Variants in INPP4B observed in about 807,000 individuals in gnomAD.
INPP4B encodes inositol polyphosphate-4-phosphatase type II B.
A neutral mutation model predicts 122.5 loss-of-function variants in INPP4B; 55 were observed. The ratio of observed to expected loss-of-function variants is 0.45; its 90% CI spans 0.36 to 0.56. The LOEUF is 0.56. Among genes scored for constraint, INPP4B ranks in the 20% least tolerant of loss-of-function variants. The probability of loss-of-function intolerance (pLI) is 0.00; values close to 1 mark genes in which losing one functional copy is unlikely to be tolerated. For missense variants in INPP4B, 1,000 were observed against 1,097.7 expected (o/e 0.91, Z 1.26); for synonymous variants, 403 against 388.7 (o/e 1.04, Z -0.43).
At position 142,715,795 on chromosome 4, in the gene INPP4B, G is replaced by A. The variant is rs867930416; in HGVS notation, c.-191+10044C>T. On this transcript the variant is annotated intron_variant, in intron 2 of 25. Transcript: ENST00000262992. ...GTTAACCATCTGCATTTTAGGCTGGGACCATGGGGAGATAGCTTTTCTCTG... is the reference window on the plus strand; with the variant it reads ...GTTAACCATCTGCATTTTAGGCTGGAACCATGGGGAGATAGCTTTTCTCTG... 7.2e-5 allele frequency among the ~76,000 whole-genome samples: 11 copies of A among 152,262 alleles called. No individual in the cohort carries two copies. In the South Asian group the frequency reaches 2.1e-3, roughly 29 times the overall value.
intron 5 of INPP4B, 140 bp downstream of exon 5, chr4:142,429,033 C>A (rs1001586252): frequency 8.9e-6 from 5 of 560,734 alleles, no homozygotes; most frequent in Non-Finnish European, 1.6e-5. Flanking sequence ...TAACACCTAC[C>A]TTATAGAACA....
intron 3 of INPP4B, among the ~76,000 whole-genome samples, chr4:142,441,943 G>A (rs1170722519): frequency 6.6e-6 from 1 of 151,856 alleles, no homozygotes; most frequent in African/African-American, 2.4e-5. Context: ...CAAAATCCAG[G>A]TGGTACAATC....
intron 2 of INPP4B, among the ~76,000 whole-genome samples, chr4:142,478,703 G>T (rs1398616277): frequency 2.0e-5 from 3 of 152,034 alleles, no homozygotes; most frequent in Non-Finnish European, 4.4e-5. Flanking sequence ...TTTTGTTAAA[G>T]ATTTTTGCAT....
chr4:142,190,716 G>A (rs184751990), intron 15 of INPP4B, among the ~76,000 whole-genome samples: 1 of 139,050 alleles, frequency 7.2e-6, no homozygotes, highest in Non-Finnish European at 1.5e-5. Flanking sequence ...AGATCTGTAA[G>A]AGTGTGTGTG....
intron 2 of INPP4B, among the ~76,000 whole-genome samples, chr4:142,473,735 T>C (rs1424230026): frequency 1.3e-5 from 2 of 152,162 alleles, no homozygotes; most frequent in Admixed American, 6.5e-5. Flanking sequence ...CCTCCTGTTG[T>C]CCTTGGAAGT....
chr4:142,145,322 AT>A (rs1309079200), intron 18 of INPP4B, among the ~76,000 whole-genome samples: 6 of 152,036 alleles, frequency 3.9e-5, no homozygotes, highest in Non-Finnish European at 7.4e-5. Context: ...CTTGTCATAT[AT>A]TTTTTTAGAG....
intron 23 of INPP4B, among the ~76,000 whole-genome samples, chr4:142,098,486 G>A (rs1374849715): frequency 6.6e-6 from 1 of 152,152 alleles, no homozygotes; most frequent in African/African-American, 2.4e-5. Context: ...AGAAGTGACA[G>A]AAGAAACAAA....
At chr4:142,795,782 G>A (rs1218514766) in intron 1 of INPP4B, among the ~76,000 whole-genome samples, 2 of 151,938 alleles carry the variant, frequency 1.3e-5, no homozygotes, top group African/African-American at 4.8e-5. Flanking sequence ...CAATGCTTTA[G>A]TCCTCTCTAC....
At chr4:142,829,189 G>T (rs971427066) in intron 1 of INPP4B, among the ~76,000 whole-genome samples, 1 of 151,090 alleles carries the variant, frequency 6.6e-6, no homozygotes, top group African/African-American at 2.4e-5. Context: ...AAAATATCAT[G>T]GGCTGAATAT....
intron 2 of INPP4B, among the ~76,000 whole-genome samples, chr4:142,588,874 A>G (rs901987647): frequency 6.6e-6 from 1 of 151,954 alleles, no homozygotes; most frequent in Non-Finnish European, 1.5e-5. Context: ...AGTCAAAGAA[A>G]TAGAATAGTC....
intron 2 of INPP4B, among the ~76,000 whole-genome samples, chr4:142,510,001 AT>A (rs1824508948): frequency 6.6e-6 from 1 of 152,340 alleles, no homozygotes; most frequent in Admixed American, 6.5e-5. Context: ...TAGGCCTATC[AT>A]TTAATATTTT....
At chr4:142,415,841 A>T (rs1805618377) in intron 5 of INPP4B, among the ~76,000 whole-genome samples, 1 of 152,172 alleles carries the variant, frequency 6.6e-6, no homozygotes, top group African/African-American at 2.4e-5. Context: ...TGATGAGTTC[A>T]TGTCCTTTGT....
chr4:142,650,247 A>G (rs1752656536), intron 2 of INPP4B, among the ~76,000 whole-genome samples: 1 of 152,254 alleles, frequency 6.6e-6, no homozygotes. Context: ...AATTGGTACC[A>G]GCCACTGCAA....
intron 1 of INPP4B, among the ~76,000 whole-genome samples, chr4:142,776,450 G>A (rs188205251): frequency 2.0e-5 from 3 of 152,270 alleles, no homozygotes; most frequent in East Asian, 1.9e-4. Context: ...TGAGGATATA[G>A]TGGGAAGCAG....
chr4:142,143,958 G>A (rs1289922049), intron 18 of INPP4B, among the ~76,000 whole-genome samples: 3 of 151,928 alleles, frequency 2.0e-5, no homozygotes, highest in Non-Finnish European at 4.4e-5. Flanking sequence ...TTGGTGATGA[G>A]TGAAATAAAC....
At chr4:142,716,446 T>A (rs1476472790) in intron 2 of INPP4B, among the ~76,000 whole-genome samples, 1 of 152,186 alleles carries the variant, frequency 6.6e-6, no homozygotes, top group South Asian at 2.1e-4. Flanking sequence ...ATCTCTCAAT[T>A]TTTTTCTTTT....
At chr4:142,692,914 T>TATAGATAGATAGATAGATAG (rs3080817) in intron 2 of INPP4B, among the ~76,000 whole-genome samples, 2,953 of 148,346 alleles carry the variant, frequency 0.02, 39 homozygotes, top group Middle Eastern at 0.075. Context: ...GGCTAGTCTC[T>TATAGATAGATAGATAGATAG]ATAGATAGAT....
chr4:142,841,564 C>T (rs1184767911), intron 1 of INPP4B, among the ~76,000 whole-genome samples: 2 of 151,834 alleles, frequency 1.3e-5, no homozygotes, highest in East Asian at 1.9e-4. Flanking sequence ...GTGAAAGGCT[C>T]ATATTTCTGT....
intron 12 of INPP4B, among the ~76,000 whole-genome samples, chr4:142,216,830 T>C (rs898140393): frequency 7.9e-5 from 12 of 152,030 alleles, no homozygotes; most frequent in Admixed American, 6.5e-4. Flanking sequence ...TAAAGAGAAA[T>C]AATTAAGTAC....
Sources: gnomAD v4.1 joint callset for allele counts (sites outside exome capture counted in the v4.1 genomes callset) on GRCh38, gnomAD v4.1.1 for gene constraint, MANE v1.5 for transcripts, NCBI Gene and HGNC (gene_info 2026-07-23, HGNC 2026-07-21) for gene names.